Variants in KCNK13 observed in about 807,000 individuals in gnomAD.
KCNK13 encodes the protein potassium two pore domain channel subfamily K member 13, also known as potassium channel subfamily K member 13.
In KCNK13, 12 loss-of-function variants were observed where a neutral mutation model predicts 23.4. That is an observed-to-expected ratio of 0.51 (90% CI 0.33 to 0.83). The LOEUF (loss-of-function observed/expected upper bound fraction) is 0.83. Ranked by LOEUF, KCNK13 falls within the 40% of genes least tolerant of loss-of-function variation. The probability of loss-of-function intolerance (pLI) is 0.02; values close to 1 mark genes in which losing one functional copy is unlikely to be tolerated. For synonymous variants in KCNK13, 231 were observed against 229.5 expected, an observed-to-expected ratio of 1.01 and a Z score of -0.06; for missense variants, 463 against 556.3, an observed-to-expected ratio of 0.83 and a Z score of 1.69.
In KCNK13 at chr14:90,165,359, C is replaced by A. The variant is rs147858169; in HGVS notation, c.335-18752C>A. Among the ~76,000 whole-genome samples, 840 of 152,308 alleles carry A rather than the reference C, an allele frequency of 5.5e-3. 7 individuals carry two copies. Among genetic ancestry groups the A allele is most frequent in the African/African-American group, 0.019 (808 of 41,572 alleles). On this transcript the variant is annotated intron_variant, in intron 1 of 1. Transcript: ENST00000282146. Reference sequence around the variant, plus strand: ...ACAGCTCATCTTCTTCTGCTTTTTACACCAACGGCCACCTCTCCAGAGGGG... The same window carrying A: ...ACAGCTCATCTTCTTCTGCTTTTTAAACCAACGGCCACCTCTCCAGAGGGG...
At chr14:90,144,413 A>G (rs1323288876) in intron 1 of KCNK13, among the ~76,000 whole-genome samples, 1 of 151,510 alleles carries the variant, frequency 6.6e-6, no homozygotes, top group Non-Finnish European at 1.5e-5. Flanking sequence ...CTTAGTTATT[A>G]GTCTTGCTTC....
chr14:90,126,482 A>C (rs540818511), intron 1 of KCNK13, among the ~76,000 whole-genome samples: 1 of 152,098 alleles, frequency 6.6e-6, no homozygotes, highest in African/African-American at 2.4e-5. Flanking sequence ...CGTGATGAGA[A>C]TAGCACTTCC....
chr14:90,133,582 A>C (rs1178511310), intron 1 of KCNK13, among the ~76,000 whole-genome samples: 1 of 139,430 alleles, frequency 7.2e-6, no homozygotes, highest in Non-Finnish European at 1.5e-5. Flanking sequence ...CTTATTTAGA[A>C]CAAAAACAAA....
chr14:90,111,608 T>A (rs1463361400), intron 1 of KCNK13, among the ~76,000 whole-genome samples: 1 of 152,110 alleles, frequency 6.6e-6, no homozygotes, highest in African/African-American at 2.4e-5. Flanking sequence ...AGAAAGATGT[T>A]GACCTGCACT....
intron 1 of KCNK13, among the ~76,000 whole-genome samples, chr14:90,115,373 G>A (rs1313911766): frequency 6.6e-6 from 1 of 152,182 alleles, no homozygotes; most frequent in African/African-American, 2.4e-5. Flanking sequence ...AAAGCACCAA[G>A]GGCCCTAATT....
chr14:90,107,351 G>A (rs776995608), intron 1 of KCNK13, among the ~76,000 whole-genome samples: 24 of 151,886 alleles, frequency 1.6e-4, no homozygotes, highest in Non-Finnish European at 2.4e-4. Flanking sequence ...GGTGGCGGGC[G>A]CCTGTAGTCC....
rs79490997 is a variant in KCNK13 at position 90,111,807 on chromosome 14, T to C, written c.334+49268T>C. On this transcript the variant is annotated intron_variant, in intron 1 of 1. Transcript: ENST00000282146. ...GCTAAACCTTCTCTTGTGACTGTTT[T>C]TTACCTAAATAAATAAGGTGACTGA... Among the ~76,000 whole-genome samples, 945 of 152,338 alleles carry C rather than the reference T, an allele frequency of 6.2e-3. 16 individuals carry two copies. The highest frequency in any genetic ancestry group is 0.022 in the African/African-American group (925 of 41,582).
intron 1 of KCNK13, among the ~76,000 whole-genome samples, chr14:90,127,326 C>G (rs990337414): frequency 2.0e-5 from 3 of 152,044 alleles, no homozygotes; most frequent in African/African-American, 7.3e-5. Flanking sequence ...GTGAAAACAG[C>G]CTTTCTGTAT....
At chr14:90,134,585 CAAT>C (rs1390858939) in intron 1 of KCNK13, among the ~76,000 whole-genome samples, 3 of 152,170 alleles carry the variant, frequency 2.0e-5, no homozygotes, top group Non-Finnish European at 2.9e-5. Context: ...AAGGTGTTCA[CAAT>C]AATAGCAGCT....
chr14:90,152,094 T>C (rs1890139518), intron 1 of KCNK13, among the ~76,000 whole-genome samples: 1 of 152,182 alleles, frequency 6.6e-6, no homozygotes, highest in Admixed American at 6.5e-5. Context: ...CCTCACATGT[T>C]GTGGGAGGGA....
chr14:90,102,470 G>A (rs1311528535), intron 1 of KCNK13, among the ~76,000 whole-genome samples: 1 of 152,208 alleles, frequency 6.6e-6, no homozygotes, highest in African/African-American at 2.4e-5. Flanking sequence ...GATCCCAGAT[G>A]ATTGGACTCT....
At chr14:90,120,481 A>G (rs77946975) in intron 1 of KCNK13, among the ~76,000 whole-genome samples, 1 of 152,186 alleles carries the variant, frequency 6.6e-6, no homozygotes, top group South Asian at 2.1e-4. Context: ...ACTTACAATC[A>G]TGGTGGAAGG....
intron 1 of KCNK13, among the ~76,000 whole-genome samples, chr14:90,178,174 C>T (rs1890443514): frequency 8.4e-6 from 1 of 119,660 alleles, no homozygotes; most frequent in African/African-American, 3.2e-5. Context: ...ACATGGTGAA[C>T]ATCCATGTGC....
chr14:90,107,228 C>A (rs1431418339), intron 1 of KCNK13, among the ~76,000 whole-genome samples: 2 of 152,040 alleles, frequency 1.3e-5, no homozygotes, highest in African/African-American at 4.8e-5. Flanking sequence ...GCCTGTAATC[C>A]CAGCACTTCG....
chr14:90,144,495 C>CTTTT (rs71117323), intron 1 of KCNK13, among the ~76,000 whole-genome samples: 15,948 of 119,110 alleles, frequency 0.13, 2,075 homozygotes, highest in Admixed American at 0.24. Context: ...TTTACTTTCT[C>CTTTT]TTTTTTTTTT....
chr14:90,075,868 A>G (rs1033313776), intron 1 of KCNK13, among the ~76,000 whole-genome samples: 53 of 152,174 alleles, frequency 3.5e-4, no homozygotes, highest in Admixed American at 3.1e-3. Context: ...TTCATCATTC[A>G]TTTAAACCCC....
intron 1 of KCNK13, among the ~76,000 whole-genome samples, chr14:90,167,663 G>A (rs1185953150): frequency 1.3e-5 from 2 of 152,064 alleles, no homozygotes; most frequent in Non-Finnish European, 2.9e-5. Flanking sequence ...CTGCTCATTC[G>A]CTGAGGCAGT....
intron 1 of KCNK13, among the ~76,000 whole-genome samples, chr14:90,179,191 A>T (rs1001685594): frequency 5.9e-5 from 9 of 152,114 alleles, no homozygotes; most frequent in Admixed American, 4.6e-4. Context: ...ACCAGCAAAT[A>T]AAGGGGATGG....
chr14:90,151,164 T>A (rs1890130574), intron 1 of KCNK13, among the ~76,000 whole-genome samples: 1 of 152,202 alleles, frequency 6.6e-6, no homozygotes, highest in Admixed American at 6.5e-5. Context: ...CTTTTCTTTA[T>A]AAATTACCCA....
Sources: gnomAD v4.1 joint callset for allele counts (sites outside exome capture counted in the v4.1 genomes callset) on GRCh38, gnomAD v4.1.1 for gene constraint, MANE v1.5 for transcripts, NCBI Gene and HGNC (gene_info 2026-07-23, HGNC 2026-07-21) for gene names.